The following PCDH15 variants were observed in gnomAD, a reference collection of about 807,000 sequenced individuals.
PCDH15 encodes protocadherin-15.
A neutral mutation model predicts 178.5 loss-of-function variants in PCDH15; 129 were observed. That is an observed-to-expected ratio of 0.72 (90% CI 0.63 to 0.84). The LOEUF is 0.84. PCDH15 is among the 40% of genes least tolerant of loss of function. The pLI is 0.00. For synonymous variants in PCDH15, 800 were observed against 732.0 expected (o/e 1.09, Z -1.50); for missense variants, 2,230 against 2,099.9 (o/e 1.06, Z -1.21).
At position 54,192,168 on chromosome 10, in the gene PCDH15, AAGAAAAAG is replaced by A. The variant is rs1186092645; in HGVS notation, c.1305+3507_1305+3514del. On this transcript the variant is annotated intron_variant, in intron 11 of 37. Coordinates refer to ENST00000644397, the MANE Select transcript of PCDH15 (RefSeq NM_001384140.1). ...AGAAAGAAAGAAAAAGAAAGAAAGA[AAGAAAAAG>A]AAAGAGAAAGAAAGAAAGGAAAGAA... Among the ~76,000 whole-genome samples, 9 of 144,040 alleles carry A rather than the reference AAGAAAAAG, an allele frequency of 6.2e-5. No individual in the cohort carries two copies. In the South Asian group the frequency reaches 1.1e-3, roughly 17 times the overall value. The allele number at this position is 144,040 out of a possible 152,430, so 94.5% of individuals were successfully genotyped here.
At chr10:55,377,548 A>G (rs74136624) in intron 2 of PCDH15, among the ~76,000 whole-genome samples, 2,915 of 152,114 alleles carry the variant, frequency 0.019, 86 homozygotes, top group African/African-American at 0.067. Context: ...ATAGCTTGCT[A>G]TATTTAGTTG....
At chr10:54,141,756 G>A (rs1254404065) in intron 14 of PCDH15, among the ~76,000 whole-genome samples, 4 of 152,072 alleles carry the variant, frequency 2.6e-5, no homozygotes, top group Admixed American at 2.0e-4. Context: ...GCATTCATGT[G>A]GTACTTGAAA....
intron 10 of PCDH15, among the ~76,000 whole-genome samples, chr10:54,207,480 T>G (rs1324631624): frequency 6.6e-6 from 1 of 152,026 alleles, no homozygotes; most frequent in Non-Finnish European, 1.5e-5. Flanking sequence ...TTGATTAAAC[T>G]TAACTCATTA....
intron 2 of PCDH15, among the ~76,000 whole-genome samples, chr10:55,129,856 T>C (rs912490394): frequency 3.8e-4 from 58 of 152,196 alleles, no homozygotes; most frequent in African/African-American, 1.3e-3. Flanking sequence ...ATATATCAGT[T>C]GAGGAGATAG....
intron 1 of PCDH15, among the ~76,000 whole-genome samples, chr10:55,280,615 T>C (rs1419161514): frequency 6.6e-6 from 1 of 151,940 alleles, no homozygotes; most frequent in Non-Finnish European, 1.5e-5. Flanking sequence ...GCTGTATTTG[T>C]TGAATAATGT....
At chr10:55,075,088 A>G (rs1387974457) in intron 2 of PCDH15, among the ~76,000 whole-genome samples, 1 of 152,082 alleles carries the variant, frequency 6.6e-6, no homozygotes, top group Non-Finnish European at 1.5e-5. Flanking sequence ...CTGTTTTTGT[A>G]CCAGTACCAT....
intron 2 of PCDH15, among the ~76,000 whole-genome samples, chr10:55,118,339 C>T (rs371420201): frequency 6.6e-6 from 1 of 152,122 alleles, no homozygotes; most frequent in Non-Finnish European, 1.5e-5. Context: ...ATCTGTCAGG[C>T]GAATGTAAGT....
chr10:55,225,320 T>C lies in PCDH15; in HGVS notation c.-155-58669A>G, dbSNP rs140308716. ...CCTCTAACATCAGAGATTGTTTCTGTAACCTAAGCTTTTAAGTTACATGCT... is the reference window on the plus strand; with the variant it reads ...CCTCTAACATCAGAGATTGTTTCTGCAACCTAAGCTTTTAAGTTACATGCT... On this transcript the variant is annotated intron_variant, in intron 1 of 5. Coordinates refer to the PCDH15 transcript ENST00000458638. Among the ~76,000 whole-genome samples, 926 of 152,258 alleles carry C rather than the reference T, an allele frequency of 6.1e-3. 15 individuals are homozygous for C. The highest frequency in any genetic ancestry group is 0.021 in the African/African-American group (884 of 41,504).
chr10:54,160,258 C>T (rs1401442631), intron 13 of PCDH15, among the ~76,000 whole-genome samples: 2 of 152,068 alleles, frequency 1.3e-5, no homozygotes, highest in African/African-American at 4.8e-5. Context: ...AAATTTAAAA[C>T]TTTGGAATTG....
At chr10:54,221,213 G>T (rs978468840) in intron 9 of PCDH15, among the ~76,000 whole-genome samples, 1 of 152,104 alleles carries the variant, frequency 6.6e-6, no homozygotes, top group African/African-American at 2.4e-5. Context: ...AACATAATTA[G>T]TGGTTGCCAA....
At chr10:54,060,794 C>A (rs2093997577) in intron 18 of PCDH15, among the ~76,000 whole-genome samples, 1 of 152,070 alleles carries the variant, frequency 6.6e-6, no homozygotes. Context: ...CAGGATGAAC[C>A]AAGTGACCAG....
At chr10:54,802,910 T>G (rs140524475), upstream of PCDH15, among the ~76,000 whole-genome samples, 203 of 152,320 alleles carry the variant, frequency 1.3e-3, 1 homozygote, top group Middle Eastern at 3.4e-3. Flanking sequence ...GCAATTCAAT[T>G]ATTACTAATT....
intron 3 of PCDH15, among the ~76,000 whole-genome samples, chr10:54,881,277 A>G (rs4935564): frequency 1 from 151,556 of 152,130 alleles, 75,492 homozygotes; most frequent in East Asian, 1. Flanking sequence ...AGGCAGACCT[A>G]TTCTCCCCTC....
intron 2 of PCDH15, among the ~76,000 whole-genome samples, chr10:54,957,125 A>T (rs186507151): frequency 6.6e-6 from 1 of 151,814 alleles, no homozygotes; most frequent in Admixed American, 6.6e-5. Flanking sequence ...CAGTTTTCTA[A>T]CTATCATGTG....
chr10:55,415,870 A>G (rs1311332859), intron 2 of PCDH15, among the ~76,000 whole-genome samples: 2 of 151,870 alleles, frequency 1.3e-5, no homozygotes, highest in Admixed American at 6.6e-5. Flanking sequence ...TGTTATTAGG[A>G]CATTTTGAGG....
chr10:54,983,226 T>A (rs1839284605), intron 2 of PCDH15, among the ~76,000 whole-genome samples: 1 of 152,206 alleles, frequency 6.6e-6, no homozygotes, highest in South Asian at 2.1e-4. Context: ...TCTCAACTGT[T>A]ACTTTAGGTA....
intron 2 of PCDH15, among the ~76,000 whole-genome samples, chr10:55,325,092 A>G (rs547895632): frequency 2.0e-5 from 3 of 152,262 alleles, no homozygotes; most frequent in Admixed American, 6.5e-5. Context: ...AAACAGAAAA[A>G]CATTCCCTAT....
chr10:55,000,360 A>T (rs1007586687), intron 2 of PCDH15, among the ~76,000 whole-genome samples: 1 of 152,316 alleles, frequency 6.6e-6, no homozygotes. Context: ...AAGAAGAGAA[A>T]TATGGCTCTG....
At chr10:54,131,763 A>C (rs908343878) in intron 15 of PCDH15, among the ~76,000 whole-genome samples, 12 of 152,192 alleles carry the variant, frequency 7.9e-5, no homozygotes, top group African/African-American at 2.9e-4. Context: ...AAGTGATGAA[A>C]ACTCAATCAA....
Sources: gnomAD v4.1 joint callset for allele counts (sites outside exome capture counted in the v4.1 genomes callset) on GRCh38, gnomAD v4.1.1 for gene constraint, MANE v1.5 for transcripts, NCBI Gene and HGNC (gene_info 2026-07-23, HGNC 2026-07-21) for gene names.